ATP5PB: variants seen among roughly 807,000 people sequenced by gnomAD.
The protein encoded by ATP5PB is ATP synthase peripheral stalk-membrane subunit b.
ATP5PB carries 21 observed loss-of-function variants against 34.5 expected under a neutral mutation model. That is an observed-to-expected ratio of 0.61 (90% CI 0.43 to 0.88). The LOEUF (loss-of-function observed/expected upper bound fraction) is 0.88, where lower values mean the gene tolerates loss of function less well. Among genes scored for constraint, ATP5PB ranks in the 40% least tolerant of loss-of-function variants. ATP5PB has a pLI of 0.00. For missense variants in ATP5PB, 293 were observed against 317.4 expected, an observed-to-expected ratio of 0.92 and a Z score of 0.58; for synonymous variants, 108 against 114.1, an observed-to-expected ratio of 0.95 and a Z score of 0.34.
In ATP5PB at chr1:111,449,504, C is replaced by T. The variant is rs376540396; in HGVS notation, c.-38C>T. ...CTGACAGATTCTCCTATCGGGGTCA[C>T]AGGGACGCTAAGATTGCTACCTGGA... On this transcript the variant is annotated 5_prime_UTR_variant, in exon 1 of 7. Transcript: ENST00000369722. 1.9e-6 allele frequency: 3 copies of T among 1,614,192 alleles called. No homozygotes were observed. The highest frequency in any genetic ancestry group is 3.3e-5 in the Admixed American group (2 of 60,018).
Position 111,462,532 on chromosome 1 carries a change from A to G in ATP5PB, c.*1538A>G. ...CTGCATTTGATTCTCCCATACTTGT[A>G]CAAGGATTTATTTGTATTCAAATGG... On this transcript the variant is annotated 3_prime_UTR_variant, in exon 7 of 7. Transcript: ENST00000369722. 1 of 152,348 alleles carries G rather than the reference A, an allele frequency of 6.6e-6. No homozygotes were observed. The highest frequency in any genetic ancestry group is 1.5e-5 in the Non-Finnish European group (1 of 68,024). 9.4% of individuals were successfully genotyped at this position (152,348 alleles called of 1,614,324 possible). A position where few individuals can be genotyped will look rare whatever the true frequency, so the allele number is the denominator to read the frequency against.
In ATP5PB at chr1:111,461,201, G is replaced by A. The variant is rs1653612575; in HGVS notation, c.*207G>A. On this transcript the variant is annotated 3_prime_UTR_variant, in exon 7 of 7. Transcript: ENST00000369722. ...ATCCTTCTTGCTCTGCCTTTGAGTT[G>A]TTCCGTGATCACTTCTGAATAAGCA... The A allele has an allele frequency of 2.1e-6, 1 of 482,020 alleles. No homozygotes were observed. The highest frequency in any genetic ancestry group is 3.8e-6 in the Non-Finnish European group (1 of 264,244). 29.9% of individuals were successfully genotyped at this position (482,020 alleles called of 1,614,324 possible). A position where few individuals can be genotyped will look rare whatever the true frequency, so the allele number is the denominator to read the frequency against.
At chr1:111,454,138 T>G (rs1653404389) in intron 2 of ATP5PB, 73 bp from the exon 3 acceptor site, 2 of 1,390,446 alleles carry the variant, frequency 1.4e-6, no homozygotes, top group Non-Finnish European at 1.9e-6. Context: ...TATTTATTGT[T>G]TCTGCTCATT....
chr1:111,454,589 C>G (rs1178719513), intron 3 of ATP5PB, among the ~76,000 whole-genome samples: 1 of 151,990 alleles, frequency 6.6e-6, no homozygotes, highest in African/African-American at 2.4e-5. Flanking sequence ...GTAGCTGGGA[C>G]TTGGCGTGCA....
intron 3 of ATP5PB, among the ~76,000 whole-genome samples, chr1:111,455,561 A>G (rs1375469375): frequency 1.3e-5 from 2 of 152,236 alleles, no homozygotes; most frequent in East Asian, 3.8e-4. Flanking sequence ...TATTTGAAGC[A>G]TTGTAATTAG....
chr1:111,453,710 CT>C (rs1306091359), intron 2 of ATP5PB, among the ~76,000 whole-genome samples: 1 of 152,198 alleles, frequency 6.6e-6, no homozygotes, highest in Non-Finnish European at 1.5e-5. Flanking sequence ...TTACGTAGAA[CT>C]TTTCCATGTG....
In ATP5PB at chr1:111,460,272, G is replaced by A. The variant is rs557175181; in HGVS notation, c.693+636G>A. On this transcript the variant is annotated intron_variant, in intron 6 of 6. Transcript: ENST00000369722. ...CCTGCATAACTTGTCTGTTTTGAAC[G>A]GAAATGTTTTCTATTTGCTTAAACT... is the stretch of plus-strand genomic sequence containing the variant. Among the ~76,000 whole-genome samples the A allele has an allele frequency of 1.2e-3, 187 of 151,838 alleles. 1 individual carries two copies. Among genetic ancestry groups the A allele is most frequent in the African/African-American group, 4.1e-3 (169 of 41,378 alleles).
rs757147686 is a variant in ATP5PB, at chr1:111,449,491, C to G, written c.-51C>G. 1 of 1,614,080 alleles carries G rather than the reference C, an allele frequency of 6.2e-7. No individual in the cohort carries two copies. ...TCTTGGTCCTGCCCTGACAGATTCT[C>G]CTATCGGGGTCACAGGGACGCTAAG... On this transcript the variant is annotated 5_prime_UTR_variant, in exon 1 of 7. Coordinates refer to ENST00000369722, the MANE Select transcript of ATP5PB (RefSeq NM_001688.5).
chr1:111,449,857 G>A lies in ATP5PB; in HGVS notation c.61G>A (p.Ala21Thr). Residue 21 changes from alanine (A) to threonine (T), a missense_variant, in exon 2 of 7, where the codon GCC becomes ACC. Coordinates refer to ENST00000369722, the MANE Select transcript of ATP5PB (RefSeq NM_001688.5). ...TGCAGCCCCCTCTCTGAAGAATGCA[G>A]CCTTCCTAGGTCCAGGGTAAGTGTG... ...ATAAPSLKNA[A>T]FLGPGVLQAT... The A allele has an allele frequency of 6.2e-7, 1 of 1,614,180 alleles. No individual in the cohort carries two copies. The highest frequency in any genetic ancestry group is 8.5e-7 in the Non-Finnish European group (1 of 1,180,040).
intron 3 of ATP5PB, among the ~76,000 whole-genome samples, chr1:111,454,706 G>T (rs1006540381): frequency 6.6e-6 from 1 of 152,180 alleles, no homozygotes; most frequent in Non-Finnish European, 1.5e-5. Flanking sequence ...GCCTCCCAAA[G>T]TGCTGGGATT....
chr1:111,459,637 G>T lies in ATP5PB; in HGVS notation c.693+1G>T. On this transcript the variant is annotated splice_donor_variant, in intron 6 of 6. Coordinates refer to ENST00000369722, the MANE Select transcript of ATP5PB (RefSeq NM_001688.5). LOFTEE classifies it high-confidence loss of function. ...GGTGCAAAGCATCTCCACACAGCAG[G>T]TACACAACATTTTTGTAGGTTCTGA... The T allele has an allele frequency of 1.9e-6, 3 of 1,613,180 alleles. No individual in the cohort carries two copies. Among genetic ancestry groups the T allele is most frequent in the Non-Finnish European group, 2.5e-6 (3 of 1,179,452 alleles).
At chr1:111,457,342 A>C (rs868210510) in intron 5 of ATP5PB, among the ~76,000 whole-genome samples, 6 of 134,776 alleles carry the variant, frequency 4.5e-5, no homozygotes, top group East Asian at 2.0e-4. Flanking sequence ...CACACACACA[A>C]ACAACAAATT....
intron 2 of ATP5PB, among the ~76,000 whole-genome samples, chr1:111,453,088 G>A (rs111627604): frequency 6.6e-6 from 1 of 152,178 alleles, no homozygotes; most frequent in Non-Finnish European, 1.5e-5. Flanking sequence ...GATAGAAGTT[G>A]AGAGATTGGA....
Position 111,449,890 on chromosome 1 carries a change from T to C in ATP5PB, c.77+17T>C. The C allele has an allele frequency of 6.2e-7, 1 of 1,614,106 alleles. No individual in the cohort carries two copies. The highest frequency in any genetic ancestry group is 8.5e-7 in the Non-Finnish European group (1 of 1,179,966). ...AGGTCCAGGGTAAGTGTGAGGATAA[T>C]GCTCCCTTTCGTCTTTGTTTTCACT... On this transcript the variant is annotated intron_variant, in intron 2 of 6. Transcript: ENST00000369722.
intron 3 of ATP5PB, 150 bp downstream of exon 3, chr1:111,454,506 G>C: frequency 9.6e-7 from 1 of 1,037,700 alleles, no homozygotes; most frequent in Non-Finnish European, 1.4e-6. Flanking sequence ...ACCCAGGATG[G>C]AGTGATAGAT....
Position 111,461,055 on chromosome 1 carries a change from A to G in ATP5PB, c.*61A>G, listed in dbSNP as rs1399653129. The stretch of plus-strand genomic sequence containing the variant: ...TGACTGACTAAATGGAAACTAGTCT[A>G]TTTGACAAAGTCTTTCTGTGTTGGT... On this transcript the variant is annotated 3_prime_UTR_variant, in exon 7 of 7. Coordinates refer to ENST00000369722, the MANE Select transcript of ATP5PB (RefSeq NM_001688.5). 4.1e-6 allele frequency: 6 copies of G among 1,457,064 alleles called. No homozygotes were observed. The African/African-American group carries it at 7.0e-5, about 17-fold the overall frequency. 90.3% of individuals were successfully genotyped at this position (1,457,064 alleles called of 1,614,324 possible).
At chr1:111,453,932 T>C (rs1402642202) in intron 2 of ATP5PB, among the ~76,000 whole-genome samples, 1 of 152,226 alleles carries the variant, frequency 6.6e-6, no homozygotes, top group Non-Finnish European at 1.5e-5. Flanking sequence ...ATTTCAGTGC[T>C]AATGATAGAC....
At chr1:111,450,039 C>G (rs780722127) in intron 2 of ATP5PB, among the ~76,000 whole-genome samples, 166 bp downstream of exon 2, 2 of 152,128 alleles carry the variant, frequency 1.3e-5, no homozygotes, top group Non-Finnish European at 2.9e-5. Context: ...CTGCCAGGAA[C>G]GCTCTCATGT....
In ATP5PB at chr1:111,454,232, CT is replaced by C; in HGVS notation, c.102del (p.His35IlefsTer24). 1.9e-6 allele frequency: 3 copies of C among 1,601,502 alleles called. No individual in the cohort carries two copies. The highest frequency in any genetic ancestry group is 2.6e-6 in the Non-Finnish European group (3 of 1,176,056). ...GTAGGGTATTGCAGGCAACAAGGACCTTTCATACAGGGCAGCCACACCTTGT... is the reference window on the plus strand; with the variant it reads ...GTAGGGTATTGCAGGCAACAAGGACCTTCATACAGGGCAGCCACACCTTGT... Reference protein sequence around the residue: ...GPGVLQATRTFHTGQPHLVPV... With the variant: ...GPGVLQATRTXHTGQPHLVPV... On this transcript the variant is annotated frameshift_variant, in exon 3 of 7. Coordinates refer to ENST00000369722, the MANE Select transcript of ATP5PB (RefSeq NM_001688.5). LOFTEE classifies it high-confidence loss of function.
Sources: gnomAD v4.1 joint callset for allele counts (sites outside exome capture counted in the v4.1 genomes callset) on GRCh38, gnomAD v4.1.1 for gene constraint, MANE v1.5 for transcripts, NCBI Gene and HGNC (gene_info 2026-07-23, HGNC 2026-07-21) for gene names.